The following FAT3 variants were observed in gnomAD, a reference collection of about 807,000 sequenced individuals.
FAT3 encodes the protein FAT atypical cadherin 3, also known as protocadherin Fat 3.
Under a neutral mutation model 310.2 loss-of-function variants are expected in FAT3, and 95 were observed. The observed-to-expected ratio is 0.31, with a 90% CI of 0.26 to 0.36. The LOEUF (loss-of-function observed/expected upper bound fraction) is 0.36, where lower values mean the gene tolerates loss of function less well. Ranked by LOEUF, FAT3 falls within the 10% of genes least tolerant of loss-of-function variation. FAT3 has a pLI of 1.00. For missense variants in FAT3, 5,408 were observed against 5,715.6 expected (o/e 0.95, Z 1.74); for synonymous variants, 2,314 against 2,192.9 (o/e 1.06, Z -1.54).
intron 3 of FAT3, among the ~76,000 whole-genome samples, chr11:92,660,137 A>T (rs1942730274): frequency 6.6e-6 from 1 of 152,056 alleles, no homozygotes; most frequent in Non-Finnish European, 1.5e-5. Context: ...AGTTCTACAT[A>T]ATAACAATCC....
chr11:92,551,056 TCAGA>T (rs1954798337), intron 3 of FAT3, among the ~76,000 whole-genome samples: 1 of 152,000 alleles, frequency 6.6e-6, no homozygotes, highest in Non-Finnish European at 1.5e-5. Context: ...AGGCTGAGTC[TCAGA>T]CAGAGTGTTG....
At chr11:92,771,929 TGA>T (rs1281222950) in intron 6 of FAT3, among the ~76,000 whole-genome samples, 1 of 152,116 alleles carries the variant, frequency 6.6e-6, no homozygotes, top group Non-Finnish European at 1.5e-5. Context: ...TCAAATTCAG[TGA>T]GAGAGAGCAA....
At chr11:92,669,299 C>A (rs1943055259) in intron 3 of FAT3, among the ~76,000 whole-genome samples, 2 of 152,192 alleles carry the variant, frequency 1.3e-5, no homozygotes, top group South Asian at 2.1e-4. Context: ...TGTGATCTCA[C>A]AAAGTCCCTT....
At chr11:92,538,653 G>T (rs1412566043) in intron 3 of FAT3, among the ~76,000 whole-genome samples, 1 of 152,030 alleles carries the variant, frequency 6.6e-6, no homozygotes, top group Non-Finnish European at 1.5e-5. Context: ...TATAAACCAG[G>T]TACAATGCTA....
At chr11:92,824,271 C>T (rs770479647) in intron 13 of FAT3, among the ~76,000 whole-genome samples, 4 of 152,134 alleles carry the variant, frequency 2.6e-5, no homozygotes, top group Admixed American at 6.5e-5. Flanking sequence ...GCAGGAGAAA[C>T]GCTTGAACCC....
At chr11:92,384,676 G>A (rs969784982) in intron 2 of FAT3, among the ~76,000 whole-genome samples, 4 of 152,136 alleles carry the variant, frequency 2.6e-5, no homozygotes, top group African/African-American at 9.7e-5. Flanking sequence ...GCTTCCTGAT[G>A]TACGGGTTAA....
At chr11:92,266,229 C>T (rs1945942857) in intron 1 of FAT3, among the ~76,000 whole-genome samples, 2 of 152,162 alleles carry the variant, frequency 1.3e-5, no homozygotes, top group African/African-American at 2.4e-5. Context: ...AAGTAGCTCT[C>T]TGAGCCATTC....
intron 2 of FAT3, among the ~76,000 whole-genome samples, chr11:92,424,044 T>C (rs1012967513): frequency 6.6e-6 from 1 of 152,014 alleles, no homozygotes; most frequent in African/African-American, 2.4e-5. Flanking sequence ...AAATGGAGGG[T>C]GGACACCTAC....
intron 2 of FAT3, among the ~76,000 whole-genome samples, chr11:92,423,385 T>A (rs1342028720): frequency 6.6e-6 from 1 of 152,112 alleles, no homozygotes; most frequent in Non-Finnish European, 1.5e-5. Flanking sequence ...TTATTGTGAG[T>A]CATGAAGAAG....
intron 3 of FAT3, among the ~76,000 whole-genome samples, chr11:92,608,123 A>G (rs1293639534): frequency 3.3e-5 from 5 of 152,224 alleles, no homozygotes; most frequent in Non-Finnish European, 5.9e-5. Context: ...AGATTATGAT[A>G]CACGGATAAG....
At chr11:92,797,483 C>G (rs576129554) in intron 9 of FAT3, among the ~76,000 whole-genome samples, 88 of 152,324 alleles carry the variant, frequency 5.8e-4, no homozygotes, top group African/African-American at 2.0e-3. Flanking sequence ...TGTCTTCTCA[C>G]AAGGCTGGAA....
intron 2 of FAT3, among the ~76,000 whole-genome samples, chr11:92,443,250 A>G (rs866566287): frequency 9.8e-5 from 15 of 152,322 alleles, no homozygotes; most frequent in Middle Eastern, 3.4e-3. Flanking sequence ...GTTTCTAAAA[A>G]TAAGCTTTCC....
In FAT3 at chr11:92,524,647, C is replaced by G. The variant is rs759143957; in HGVS notation, c.3306C>G (p.Ala1102=). ...SIDDESGVIT[A]ADILDRETMG... is the part of the protein sequence containing the mutation. ...TTTTTGTCTCAGGGGTCATCACTGC[C>G]GCAGACATTCTTGATCGGGAGACAA... The change falls in exon 3 of 28, where the codon GCC becomes GCG. Residue 1102 remains alanine, a synonymous_variant. Coordinates refer to ENST00000525166, the MANE Select transcript of FAT3 (RefSeq NM_001367949.2). The G allele has an allele frequency of 2.5e-6, 4 of 1,612,822 alleles. No homozygotes were observed. The highest frequency in any genetic ancestry group is 3.4e-6 in the Non-Finnish European group (4 of 1,179,064).
Position 92,737,709 on chromosome 11 carries a change from GA to G in FAT3, c.3670-24146del, listed in dbSNP as rs139842689. ...CAGAATTTTCCATGTATTTCAGTTA[GA>G]TTTTTTTTTAATTCAGTGGAATTAA... On this transcript the variant is annotated intron_variant, in intron 4 of 27. Coordinates refer to ENST00000525166, the MANE Select transcript of FAT3 (RefSeq NM_001367949.2). 6.3e-3 allele frequency among the ~76,000 whole-genome samples: 954 copies of G among 151,202 alleles called. 5 individuals carry two copies. Among genetic ancestry groups the G allele is most frequent in the Non-Finnish European group, 0.011 (731 of 67,948 alleles).
chr11:92,591,354 C>T (rs1000436824), intron 3 of FAT3, among the ~76,000 whole-genome samples: 19 of 152,010 alleles, frequency 1.2e-4, no homozygotes, highest in Non-Finnish European at 2.5e-4. Flanking sequence ...TTGGTTTCCT[C>T]GGTACAGTCC....
intron 3 of FAT3, among the ~76,000 whole-genome samples, chr11:92,628,907 C>T (rs1382044393): frequency 6.6e-6 from 1 of 152,180 alleles, no homozygotes; most frequent in Non-Finnish European, 1.5e-5. Context: ...CACACACACA[C>T]ACTCACACAC....
intron 1 of FAT3, among the ~76,000 whole-genome samples, chr11:92,305,707 T>C (rs189548995): frequency 6.6e-6 from 1 of 152,214 alleles, no homozygotes; most frequent in East Asian, 1.9e-4. Flanking sequence ...TGAGGTGATA[T>C]CAGATAAACC....
At chr11:92,684,351 A>G (rs1943569928) in intron 3 of FAT3, among the ~76,000 whole-genome samples, 1 of 152,140 alleles carries the variant, frequency 6.6e-6, no homozygotes, top group Admixed American at 6.5e-5. Flanking sequence ...CAATCTTGGG[A>G]TGAAAAGTAA....
At chr11:92,268,962 G>GA (rs2134329141) in intron 1 of FAT3, among the ~76,000 whole-genome samples, 1 of 152,196 alleles carries the variant, frequency 6.6e-6, no homozygotes, top group South Asian at 2.1e-4. Flanking sequence ...CTTTGTATGG[G>GA]AAAAAATTTA....
Sources: gnomAD v4.1 joint callset for allele counts (sites outside exome capture counted in the v4.1 genomes callset) on GRCh38, gnomAD v4.1.1 for gene constraint, MANE v1.5 for transcripts, NCBI Gene and HGNC (gene_info 2026-07-23, HGNC 2026-07-21) for gene names.